The following PORCN variants were observed in gnomAD, a reference collection of about 807,000 sequenced individuals.
The protein encoded by PORCN is porcupine O-acyltransferase.
In PORCN, 1 loss-of-function variant was observed where a neutral mutation model predicts 43.0. That is an observed-to-expected ratio of 0.02 (90% confidence interval 0.01 to 0.11). PORCN has a LOEUF of 0.11. PORCN is among the 10% of genes least tolerant of loss of function. PORCN has a pLI of 1.00. For synonymous variants in PORCN, 148 were observed against 166.4 expected (o/e 0.89, Z 0.85); for missense variants, 240 against 392.1 (o/e 0.61, Z 3.28).
chrX:48,511,838 T>C, intron 3 of PORCN, 54 bp from the exon 4 acceptor site: 1 of 1,123,412 alleles, frequency 8.9e-7, no homozygotes, highest in Non-Finnish European at 1.2e-6. Flanking sequence ...CTGTCCCCCA[T>C]GGTCTCAGAG....
chrX:48,514,011 C>A, intron 7 of PORCN, 116 bp from the exon 8 acceptor site: 1 of 904,174 alleles, frequency 1.1e-6, no homozygotes, highest in Non-Finnish European at 1.6e-6. Flanking sequence ...CATAGTTCAC[C>A]TTTTTTGTGG....
At position 48,519,596 on chromosome X, in the gene PORCN, T is replaced by C. The variant is rs897491057; in HGVS notation, c.1285-779T>C. Among the ~76,000 whole-genome samples, 3 of 112,273 alleles carry C rather than the reference T, an allele frequency of 2.7e-5. No homozygotes were observed. In the East Asian group the frequency reaches 8.3e-4, roughly 31 times the overall value. ...CTGTAGGATCTGTTGATAGTCTCAA[T>C]GGAGTAGTACTTTTGTGCTCTCCCA... On this transcript the variant is annotated intron_variant, in intron 14 of 14. Coordinates refer to ENST00000326194, the MANE Select transcript of PORCN (RefSeq NM_203475.3).
At chrX:48,511,209 C>CT in intron 2 of PORCN, 86 bp from the exon 3 acceptor site, 1 of 419,788 alleles carries the variant, frequency 2.4e-6, no homozygotes, top group Non-Finnish European at 4.4e-6. Flanking sequence ...TCTCTCTCTC[C>CT]CTCCCTCCCT....
chrX:48,511,155 TC>T, intron 2 of PORCN, 139 bp from the exon 3 acceptor site: 1 of 570,387 alleles, frequency 1.8e-6, no homozygotes, highest in East Asian at 3.6e-5. Context: ...CAGGTCATCC[TC>T]CCCTTCCTAC....
At position 48,520,509 on chromosome X, in the gene PORCN, G is replaced by A. The variant is rs782675271; in HGVS notation, c.*33G>A. The A allele has an allele frequency of 9.1e-7, 1 of 1,094,176 alleles. No homozygotes were observed. Among genetic ancestry groups the A allele is most frequent in the African/African-American group, 1.8e-5 (1 of 54,590 alleles). The allele number at this position is 1,094,176 out of a possible 1,213,427, so 90.2% of individuals were successfully genotyped here. On this transcript the variant is annotated 3_prime_UTR_variant, in exon 15 of 15. Transcript: ENST00000326194. ...CTGTGGACCCTCATAACCCTCTTAAGACCCCTCTCAGGGTGCCACTGATGG... is the reference window on the plus strand; with the variant it reads ...CTGTGGACCCTCATAACCCTCTTAAAACCCCTCTCAGGGTGCCACTGATGG...
At chrX:48,511,020 T>G (rs1211074549) in intron 2 of PORCN, among the ~76,000 whole-genome samples, 1 of 112,025 alleles carries the variant, frequency 8.9e-6, no homozygotes, top group African/African-American at 3.2e-5. Flanking sequence ...ATGCCCTTTA[T>G]AGATGTTTCT....
intron 14 of PORCN, among the ~76,000 whole-genome samples, chrX:48,519,853 G>C (rs1341218880): frequency 1.8e-5 from 2 of 111,828 alleles, no homozygotes; most frequent in African/African-American, 6.5e-5. Context: ...AAAATTAGCT[G>C]GGCATGGTGG....
Position 48,520,597 on chromosome X carries a change from A to AAC in PORCN, c.*145_*146dup, listed in dbSNP as rs368248747. 3,998 of 481,319 alleles carry AAC rather than the reference A, an allele frequency of 8.3e-3. 34 individuals are homozygous for AAC. The highest frequency in any genetic ancestry group is 0.038 in the African/African-American group (1,531 of 40,098). The allele number at this position is 481,319 out of a possible 1,213,427, so 39.7% of individuals were successfully genotyped here. ...CTCCATCCTTGACCCCCAACACCTCAACACACACACACACACACACACACA... is the reference window on the plus strand; with the variant it reads ...CTCCATCCTTGACCCCCAACACCTCAACACACACACACACACACACACACACA... On this transcript the variant is annotated 3_prime_UTR_variant, in exon 15 of 15. Coordinates refer to ENST00000326194, the MANE Select transcript of PORCN (RefSeq NM_203475.3).
chrX:48,520,496 A>C lies in PORCN; in HGVS notation c.*20A>C. On this transcript the variant is annotated 3_prime_UTR_variant, in exon 15 of 15. Coordinates refer to ENST00000326194, the MANE Select transcript of PORCN (RefSeq NM_203475.3). ...GGCTGAGGCACATCTGTGGACCCTC[A>C]TAACCCTCTTAAGACCCCTCTCAGG... is the stretch of plus-strand genomic sequence containing the variant. 2.6e-6 allele frequency: 3 copies of C among 1,144,131 alleles called. No homozygotes were observed. Among genetic ancestry groups the C allele is most frequent in the Non-Finnish European group, 3.6e-6 (3 of 834,214 alleles). The allele number at this position is 1,144,131 out of a possible 1,213,427, so 94.3% of individuals were successfully genotyped here. A position where few individuals can be genotyped will look rare whatever the true frequency, so the allele number is the denominator to read the frequency against.
At chrX:48,512,049 C>T (rs977727293) in intron 4 of PORCN, 114 bp downstream of exon 4, 5 of 634,728 alleles carry the variant, frequency 7.9e-6, no homozygotes, top group South Asian at 4.6e-5. Flanking sequence ...CTGCCCACCC[C>T]ACTGGACGTG....
At chrX:48,509,646 C>G in intron 1 of PORCN, 138 bp from the exon 2 acceptor site, 2 of 1,145,590 alleles carry the variant, frequency 1.7e-6, no homozygotes, top group Non-Finnish European at 2.3e-6. Context: ...TGACTTCTCA[C>G]GCCTTCCCCC....
intron 1 of PORCN, chrX:48,509,427 G>C (rs1556973339): frequency 1.3e-6 from 1 of 771,589 alleles, no homozygotes; most frequent in Non-Finnish European, 1.7e-6. Context: ...CACTCAGAGC[G>C]ACTCTACCTT....
At chrX:48,519,361 T>C (rs1267558302) in intron 14 of PORCN, among the ~76,000 whole-genome samples, 3 of 112,801 alleles carry the variant, frequency 2.7e-5, no homozygotes, top group Non-Finnish European at 5.6e-5. Context: ...ACCCTAAAGA[T>C]AACACATGAA....
chrX:48,510,644 T>C (rs1201264531), intron 2 of PORCN, among the ~76,000 whole-genome samples: 4 of 112,306 alleles, frequency 3.6e-5, no homozygotes, highest in East Asian at 5.5e-4. Flanking sequence ...TTGAAATTTT[T>C]CAAAGCTACT....
At chrX:48,510,097 AC>A in intron 2 of PORCN, 141 bp downstream of exon 2, 1 of 510,061 alleles carries the variant, frequency 2.0e-6, no homozygotes, top group Non-Finnish European at 3.4e-6. Flanking sequence ...GTTCAGCCCC[AC>A]CACATCCCAC....
At chrX:48,509,741 T>A (rs1556973461) in intron 1 of PORCN, 43 bp from the exon 2 acceptor site, 18 of 1,180,528 alleles carry the variant, frequency 1.5e-5, no homozygotes, top group Non-Finnish European at 2.0e-5. Flanking sequence ...AAGCGAGGTC[T>A]GCCCCACGGA....
chrX:48,511,770 G>A (rs1025772430), intron 3 of PORCN, 122 bp from the exon 4 acceptor site: 8 of 685,559 alleles, frequency 1.2e-5, no homozygotes, highest in Non-Finnish European at 1.9e-5. Flanking sequence ...TTTCCACCAT[G>A]AGACTGTTGT....
Position 48,517,306 on chromosome X carries a change from C to T in PORCN, c.1284+13C>T, listed in dbSNP as rs2061725705. 1 of 1,106,025 alleles carries T rather than the reference C, an allele frequency of 9.0e-7. No individual in the cohort carries two copies. The highest frequency in any genetic ancestry group is 2.6e-5 in the Admixed American group (1 of 38,297). The allele number at this position is 1,106,025 out of a possible 1,213,427, so 91.1% of individuals were successfully genotyped here. ...CACAGAGGAGCAGGTGAGGTGGGGC[C>T]CTGGGCTGTGTGGTTAACCAAGGGT... On this transcript the variant is annotated intron_variant, in intron 14 of 14. Transcript: ENST00000326194.
chrX:48,520,341 C>T lies in PORCN; in HGVS notation c.1285-34C>T, dbSNP rs782336980. Reference sequence around the variant, plus strand: ...TTTCCTAAGAACTTCTTTGTCCTTGCTAAGTGGGACCATCACCTCTTTCTC... The same window carrying T: ...TTTCCTAAGAACTTCTTTGTCCTTGTTAAGTGGGACCATCACCTCTTTCTC... On this transcript the variant is annotated intron_variant, in intron 14 of 14. Transcript: ENST00000326194. 1.0e-5 allele frequency: 11 copies of T among 1,088,207 alleles called. No homozygotes were observed. In the South Asian group the frequency reaches 1.7e-4, roughly 16 times the overall value. The allele number at this position is 1,088,207 out of a possible 1,213,427, so 89.7% of individuals were successfully genotyped here.
Sources: allele counts gnomAD v4.1 joint callset (sites outside exome capture counted in the v4.1 genomes callset), GRCh38; gene constraint gnomAD v4.1.1; transcripts MANE v1.5; gene names NCBI Gene and HGNC (gene_info 2026-07-23, HGNC 2026-07-21).